The following CAMK2D variants were observed in gnomAD, a reference collection of about 807,000 sequenced individuals.
The protein encoded by CAMK2D is calcium/calmodulin dependent protein kinase II delta.
In CAMK2D, 37 loss-of-function variants were observed where a neutral mutation model predicts 84.0. That is an observed-to-expected ratio of 0.44 (90% confidence interval 0.34 to 0.58). CAMK2D has a LOEUF of 0.58. Among genes scored for constraint, CAMK2D ranks in the 20% least tolerant of loss-of-function variants. The pLI is 0.02. For synonymous variants in CAMK2D, 202 were observed against 212.5 expected (o/e 0.95, Z 0.43); for missense variants, 448 against 652.5 (o/e 0.69, Z 3.41).
In CAMK2D at chr4:113,552,322, T is replaced by G. The variant is rs2285706; in HGVS notation, c.276-226A>C. Among the ~76,000 whole-genome samples, 4,439 of 152,330 alleles carry G rather than the reference T, an allele frequency of 0.029. 169 individuals are homozygous for G. Among genetic ancestry groups the G allele is most frequent in the East Asian group, 0.11 (560 of 5,192 alleles). ...ACACATGAGGTCACAATTTTCTGTA[T>G]GCCATAAATATAGTAGGCAATATCT... is the stretch of plus-strand genomic sequence containing the variant. On this transcript the variant is annotated intron_variant, in intron 4 of 20. Transcript: ENST00000511664.
chr4:113,524,294 TC>T (rs1464199159), intron 8 of CAMK2D, among the ~76,000 whole-genome samples: 1 of 152,214 alleles, frequency 6.6e-6, no homozygotes, highest in African/African-American at 2.4e-5. Flanking sequence ...AACACTAATT[TC>T]CCCTTTCTCT....
chr4:113,673,167 G>A (rs2099299980), intron 2 of CAMK2D, among the ~76,000 whole-genome samples: 1 of 151,994 alleles, frequency 6.6e-6, no homozygotes, highest in African/African-American at 2.4e-5. Flanking sequence ...CTTACTCAAG[G>A]GTACCAAATT....
chr4:113,521,143 A>ATTAT (rs955562625), intron 8 of CAMK2D, among the ~76,000 whole-genome samples: 20 of 152,268 alleles, frequency 1.3e-4, no homozygotes, highest in African/African-American at 4.8e-4. Context: ...AAGATAGGCT[A>ATTAT]TTATTTATTT....
chr4:113,594,597 C>T (rs1027404756), intron 4 of CAMK2D, among the ~76,000 whole-genome samples: 1 of 152,146 alleles, frequency 6.6e-6, no homozygotes, highest in Admixed American at 6.5e-5. Flanking sequence ...AATAGAAATG[C>T]TAGCTTGACC....
At chr4:113,552,577 G>A (rs2098636665) in intron 4 of CAMK2D, among the ~76,000 whole-genome samples, 1 of 152,084 alleles carries the variant, frequency 6.6e-6, no homozygotes, top group Non-Finnish European at 1.5e-5. Context: ...CACAAAAGTG[G>A]GATCACGTGC....
intron 6 of CAMK2D, among the ~76,000 whole-genome samples, chr4:113,541,524 A>G (rs758297563): frequency 1.3e-5 from 2 of 152,210 alleles, no homozygotes; most frequent in Non-Finnish European, 2.9e-5. Context: ...TTATTTGTGC[A>G]CATCTAGAAG....
chr4:113,629,678 G>A (rs1400175137), intron 3 of CAMK2D, among the ~76,000 whole-genome samples: 1 of 151,464 alleles, frequency 6.6e-6, no homozygotes, highest in Admixed American at 6.6e-5. Flanking sequence ...GGGCCTCATG[G>A]CTAGTAGTGA....
intron 2 of CAMK2D, among the ~76,000 whole-genome samples, chr4:113,665,573 A>G (rs1468874627): frequency 6.6e-6 from 1 of 152,240 alleles, no homozygotes; most frequent in Non-Finnish European, 1.5e-5. Flanking sequence ...CAGATTATAA[A>G]AGGCAAGACA....
intron 7 of CAMK2D, among the ~76,000 whole-genome samples, chr4:113,534,174 C>T (rs977053176): frequency 6.6e-6 from 1 of 152,042 alleles, no homozygotes; most frequent in Non-Finnish European, 1.5e-5. Context: ...ACTATAATGG[C>T]AGATCATAAT....
At chr4:113,612,343 G>A (rs2099003869) in intron 3 of CAMK2D, among the ~76,000 whole-genome samples, 1 of 152,062 alleles carries the variant, frequency 6.6e-6, no homozygotes, top group South Asian at 2.1e-4. Flanking sequence ...GTTTCTCAAG[G>A]ATTGAAAATC....
chr4:113,607,808 A>G (rs1053211177), intron 4 of CAMK2D, among the ~76,000 whole-genome samples: 2 of 151,934 alleles, frequency 1.3e-5, no homozygotes, highest in South Asian at 2.1e-4. Context: ...ATGGATGCGC[A>G]TGACACTACC....
intron 2 of CAMK2D, among the ~76,000 whole-genome samples, chr4:113,715,958 A>G (rs1315646253): frequency 6.6e-6 from 1 of 152,140 alleles, no homozygotes; most frequent in Non-Finnish European, 1.5e-5. Flanking sequence ...AGAAAAAGCC[A>G]TACTTGTGCC....
In CAMK2D at chr4:113,620,421, G is replaced by A. The variant is rs575674248; in HGVS notation, c.221-11215C>T. 2.0e-5 allele frequency among the ~76,000 whole-genome samples: 3 copies of A among 152,170 alleles called. No homozygotes were observed. In the South Asian group the frequency reaches 6.2e-4, roughly 32 times the overall value. ...AACTAATGAAAAGTGTGAAAAGTTGGCAACTTTCTCACAGTCTAGGCATTA... is the reference window on the plus strand; with the variant it reads ...AACTAATGAAAAGTGTGAAAAGTTGACAACTTTCTCACAGTCTAGGCATTA... On this transcript the variant is annotated intron_variant, in intron 3 of 20. Coordinates refer to ENST00000511664, the MANE Select transcript of CAMK2D (RefSeq NM_001321571.2).
intron 5 of CAMK2D, among the ~76,000 whole-genome samples, chr4:113,549,549 T>C (rs1453465125): frequency 4.6e-5 from 7 of 152,200 alleles, no homozygotes; most frequent in Non-Finnish European, 8.8e-5. Flanking sequence ...GGACTGCTAA[T>C]TAGAGAGGAG....
chr4:113,494,921 C>G (rs1047756806), intron 16 of CAMK2D, among the ~76,000 whole-genome samples: 2 of 152,200 alleles, frequency 1.3e-5, no homozygotes. Flanking sequence ...CGTCTGTAAC[C>G]CCTTTCTTTG....
intron 4 of CAMK2D, among the ~76,000 whole-genome samples, chr4:113,600,685 A>G (rs1457080677): frequency 6.6e-6 from 1 of 152,154 alleles, no homozygotes; most frequent in African/African-American, 2.4e-5. Flanking sequence ...TCAACTAGGA[A>G]GCAGTGGCAT....
At chr4:113,576,385 G>A (rs1265097319) in intron 4 of CAMK2D, among the ~76,000 whole-genome samples, 1 of 139,088 alleles carries the variant, frequency 7.2e-6, no homozygotes, top group Admixed American at 7.1e-5. Context: ...TCTCAGTATA[G>A]AGACTTAAAA....
intron 13 of CAMK2D, among the ~76,000 whole-genome samples, chr4:113,507,406 C>T (rs1246616787): frequency 6.6e-6 from 1 of 150,952 alleles, no homozygotes; most frequent in Non-Finnish European, 1.5e-5. Context: ...ACGGCCACCA[C>T]ACTTGGCTAA....
intron 16 of CAMK2D, among the ~76,000 whole-genome samples, chr4:113,478,583 A>T (rs947721428): frequency 2.0e-5 from 3 of 152,200 alleles, no homozygotes; most frequent in Non-Finnish European, 4.4e-5. Context: ...CACTTAAAAA[A>T]TCACAACACT....
Sources: allele counts gnomAD v4.1 joint callset (sites outside exome capture counted in the v4.1 genomes callset), GRCh38; gene constraint gnomAD v4.1.1; transcripts MANE v1.5; gene names NCBI Gene and HGNC (gene_info 2026-07-23, HGNC 2026-07-21).